ERCC1: variants seen among roughly 807,000 people sequenced by gnomAD.
The protein encoded by ERCC1 is ERCC excision repair 1, endonuclease non-catalytic subunit.
In ERCC1, 36 loss-of-function variants were observed where a neutral mutation model predicts 37.6. That is an observed-to-expected ratio of 0.96 (90% CI 0.73 to 1.26). The LOEUF (loss-of-function observed/expected upper bound fraction) is 1.26, where lower values mean the gene tolerates loss of function less well. Ranked by LOEUF, ERCC1 falls within the 50% of genes most tolerant of loss-of-function variation. ERCC1 has a pLI of 0.00. For synonymous variants in ERCC1, 156 were observed against 162.1 expected, an observed-to-expected ratio of 0.96 and a Z score of 0.28; for missense variants, 349 against 376.5, an observed-to-expected ratio of 0.93 and a Z score of 0.60.
chr19:45,435,854 G>T (rs576899627), intron 1 of ERCC1, among the ~76,000 whole-genome samples: 2 of 152,160 alleles, frequency 1.3e-5, no homozygotes, highest in Non-Finnish European at 2.9e-5. Flanking sequence ...TCTGCCTCCC[G>T]GATTCAAGCG....
Position 45,409,503 on chromosome 19 carries a change from C to CT in ERCC1, c.*171dup. ...CAGCAGCAGCAGCAGCCTGTGTAGT[C>CT]TGCCCCCGGGAAACTGAGGAACTAA... is the stretch of plus-strand genomic sequence containing the variant. On this transcript the variant is annotated 3_prime_UTR_variant, in exon 10 of 10. Coordinates refer to ENST00000300853, the MANE Select transcript of ERCC1 (RefSeq NM_001983.4). 1 of 1,602,616 alleles carries CT rather than the reference C, an allele frequency of 6.2e-7. No homozygotes were observed. The highest frequency in any genetic ancestry group is 8.5e-7 in the Non-Finnish European group (1 of 1,175,314).
At position 45,420,045 on chromosome 19, in the gene ERCC1, C is replaced by T. The variant is rs960306636; in HGVS notation, c.425+279G>A. On this transcript the variant is annotated intron_variant, in intron 4 of 9. Transcript: ENST00000300853. The surrounding 1 kb of genome is among the most constrained non-coding windows in gnomAD (Gnocchi z 4.8). ...GGCCCCAGCCCCTCCTCCCTCAGATCCCCAGGAGTCCAGCCCTCAGCCCCT... is the reference window on the plus strand; with the variant it reads ...GGCCCCAGCCCCTCCTCCCTCAGATTCCCAGGAGTCCAGCCCTCAGCCCCT... Among the ~76,000 whole-genome samples the T allele has an allele frequency of 2.7e-5, 4 of 147,310 alleles. No individual in the cohort carries two copies. Among genetic ancestry groups the T allele is most frequent in the Admixed American group, 6.7e-5 (1 of 14,836 alleles).
Position 45,420,222 on chromosome 19 carries a change from G to T in ERCC1, c.425+102C>A. ...CAAGGCCCAGAACCTGCAGGACCAT[G>T]CCCAGAGGCTTCTCATAGAACAGTC... On this transcript the variant is annotated intron_variant, in intron 4 of 9. Coordinates refer to ENST00000300853, the MANE Select transcript of ERCC1 (RefSeq NM_001983.4). This position sits in a 1 kb window ranked among gnomAD's most constrained non-coding sequence, Gnocchi z 4.8. 1 of 812,816 alleles carries T rather than the reference G, an allele frequency of 1.2e-6. No homozygotes were observed. Among genetic ancestry groups the T allele is most frequent in the Non-Finnish European group, 2.1e-6 (1 of 481,168 alleles). The allele number at this position is 812,816 out of a possible 1,614,324, so 50.4% of individuals were successfully genotyped here. A position where few individuals can be genotyped will look rare whatever the true frequency, so the allele number is the denominator to read the frequency against.
chr19:45,425,442 G>A (rs761635956), upstream of ERCC1, among the ~76,000 whole-genome samples: 1 of 151,954 alleles, frequency 6.6e-6, no homozygotes, highest in Non-Finnish European at 1.5e-5. Context: ...AGGCTGGAGT[G>A]CAATGGAGCA....
At chr19:45,437,900 G>GA (rs1187968703) in intron 1 of ERCC1, among the ~76,000 whole-genome samples, 2 of 150,942 alleles carry the variant, frequency 1.3e-5, no homozygotes, top group African/African-American at 4.9e-5. Flanking sequence ...GTCACTACGT[G>GA]TTCTCATCTG....
upstream of ERCC1, among the ~76,000 whole-genome samples, chr19:45,424,768 T>C (rs1974630886): frequency 6.6e-6 from 1 of 152,144 alleles, no homozygotes; most frequent in South Asian, 2.1e-4. Context: ...TCCTCCTAGT[T>C]TCTACTTTGG....
upstream of ERCC1, among the ~76,000 whole-genome samples, chr19:45,428,543 A>G (rs1974757134): frequency 6.6e-6 from 1 of 151,732 alleles, no homozygotes; most frequent in Non-Finnish European, 1.5e-5. Flanking sequence ...TTCAGCCGCA[A>G]CTCCAGTTTG....
At position 45,420,485 on chromosome 19, in the gene ERCC1, G is replaced by C. The variant is rs2123514729; in HGVS notation, c.322-58C>G. On this transcript the variant is annotated intron_variant, in intron 3 of 9. Coordinates refer to ENST00000300853, the MANE Select transcript of ERCC1 (RefSeq NM_001983.4). The surrounding 1 kb of genome is among the most constrained non-coding windows in gnomAD (Gnocchi z 4.8). ...AGGGATGACCCTTGATAACCACAGG[G>C]CCCTCCTCCACCTCTTCTTGCACCT... 2 of 1,091,396 alleles carry C rather than the reference G, an allele frequency of 1.8e-6. No homozygotes were observed. Among genetic ancestry groups the C allele is most frequent in the South Asian group, 2.6e-5 (2 of 77,516 alleles). The allele number at this position is 1,091,396 out of a possible 1,614,324, so 67.6% of individuals were successfully genotyped here. A position where few individuals can be genotyped will look rare whatever the true frequency, so the allele number is the denominator to read the frequency against.
At chr19:45,419,264 C>T in intron 4 of ERCC1, 67 bp from the exon 5 acceptor site, 1 of 1,118,786 alleles carries the variant, frequency 8.9e-7, no homozygotes, top group Non-Finnish European at 1.3e-6. Flanking sequence ...GCCCTTTTCC[C>T]TCTCACTGGA....
Position 45,409,396 on chromosome 19 carries a change from G to A in ERCC1, c.*279C>T. 6.2e-7 allele frequency: 1 copy of A among 1,614,030 alleles called. No homozygotes were observed. The highest frequency in any genetic ancestry group is 8.5e-7 in the Non-Finnish European group (1 of 1,180,016). ...AGGAAAGCCGGATGCCAGAGACAGTGCCCCAAGAGGAGATGCCAGGGCCGC... is the reference window on the plus strand; with the variant it reads ...AGGAAAGCCGGATGCCAGAGACAGTACCCCAAGAGGAGATGCCAGGGCCGC... On this transcript the variant is annotated 3_prime_UTR_variant, in exon 10 of 10. Coordinates refer to ENST00000300853, the MANE Select transcript of ERCC1 (RefSeq NM_001983.4).
At chr19:45,447,480 G>C (rs981579391) in intron 1 of ERCC1, among the ~76,000 whole-genome samples, 1 of 151,832 alleles carries the variant, frequency 6.6e-6, no homozygotes, top group Non-Finnish European at 1.5e-5. Flanking sequence ...TCACCATGTC[G>C]GTCAGGCTGG....
intron 4 of ERCC1, 122 bp from the exon 5 acceptor site, chr19:45,419,319 G>A (rs1292653079): frequency 4.1e-6 from 3 of 735,804 alleles, no homozygotes; most frequent in Non-Finnish European, 7.3e-6. Flanking sequence ...AGGGTCCTGA[G>A]GCCCACAGAG....
chr19:45,434,260 C>T (rs565920360), intron 1 of ERCC1, among the ~76,000 whole-genome samples: 9 of 151,052 alleles, frequency 6.0e-5, no homozygotes, highest in East Asian at 3.9e-4. Context: ...GCTGGCAGAT[C>T]GCTTGAGCCC....
intron 1 of ERCC1, among the ~76,000 whole-genome samples, chr19:45,447,937 T>C (rs1186798870): frequency 1.3e-5 from 2 of 151,452 alleles, no homozygotes; most frequent in East Asian, 3.9e-4. Context: ...AGTGGCACAA[T>C]CTCAGTTCAC....
intron 1 of ERCC1, among the ~76,000 whole-genome samples, chr19:45,434,155 CAAAAAAAAA>C (rs138387403): frequency 1.0e-5 from 1 of 97,450 alleles, no homozygotes; most frequent in African/African-American, 4.4e-5. Context: ...CACACACACA[CAAAAAAAAA>C]AAAAAAAAAA....
rs990834850 is a variant in ERCC1 at position 45,423,778 on chromosome 19, C to T, written c.-8+3G>A. 111 of 1,141,314 alleles carry T rather than the reference C, an allele frequency of 9.7e-5. No individual in the cohort carries two copies. The highest frequency in any genetic ancestry group is 1.1e-4 in the Non-Finnish European group (106 of 921,844). The allele number at this position is 1,141,314 out of a possible 1,614,324, so 70.7% of individuals were successfully genotyped here. A position where few individuals can be genotyped will look rare whatever the true frequency, so the allele number is the denominator to read the frequency against. ...CTCCACCCGCAGTCTCCGCCTCCCG[C>T]ACCTGTGGTCCGGGCCTCACGGTTT... is the stretch of plus-strand genomic sequence containing the variant. On this transcript the variant is annotated splice_donor_region_variant and intron_variant, in intron 1 of 9. Transcript: ENST00000300853.
chr19:45,438,618 G>T (rs765840937), intron 1 of ERCC1, among the ~76,000 whole-genome samples: 1 of 151,320 alleles, frequency 6.6e-6, no homozygotes, highest in Non-Finnish European at 1.5e-5. Flanking sequence ...GCACTATCAC[G>T]CCCGGCTAAT....
Position 45,420,365 on chromosome 19 carries a change from G to C in ERCC1, c.384C>G (p.Pro128=), listed in dbSNP as rs139827427. The C allele has an allele frequency of 6.2e-7, 1 of 1,613,750 alleles. No individual in the cohort carries two copies. The highest frequency in any genetic ancestry group is 1.1e-5 in the South Asian group (1 of 90,974). The change falls in exon 4 of 10, where the codon CCC becomes CCG. Residue 128 remains proline, a synonymous_variant. Coordinates refer to ENST00000300853, the MANE Select transcript of ERCC1 (RefSeq NM_001983.4). The surrounding 1 kb of genome is among the most constrained non-coding windows in gnomAD (Gnocchi z 4.8). ...AGGTGCTCTGGCCCAGCACATAGTC[G>C]GGAATTACGTCGCCAAATTCCCAGG... is the stretch of plus-strand genomic sequence containing the variant. The part of the protein sequence containing the change: ...NVPWEFGDVI[P]DYVLGQSTCA...
chr19:45,418,552 G>A (rs972622372), intron 5 of ERCC1, among the ~76,000 whole-genome samples: 9 of 150,070 alleles, frequency 6.0e-5, no homozygotes, highest in Non-Finnish European at 1.2e-4. Context: ...GGCCAGGCAC[G>A]GTGGCTCATG....
Sources: gnomAD v4.1 joint callset for allele counts (sites outside exome capture counted in the v4.1 genomes callset) on GRCh38, gnomAD v4.1.1 for gene constraint, Gnocchi (gnomAD v3.1) non-coding constraint, MANE v1.5 for transcripts, NCBI Gene and HGNC (gene_info 2026-07-23, HGNC 2026-07-21) for gene names.